Variants in STAT4 observed in about 807,000 individuals in gnomAD.
The protein encoded by STAT4 is signal transducer and activator of transcription 4.
In STAT4, 42 loss-of-function variants were observed where a neutral mutation model predicts 110.5. The ratio of observed to expected loss-of-function variants is 0.38; its 90% CI spans 0.30 to 0.49. The LOEUF is 0.49. Among genes scored for constraint, STAT4 ranks in the 20% least tolerant of loss-of-function variants. The probability of loss-of-function intolerance (pLI) is 0.95; values close to 1 mark genes in which losing one functional copy is unlikely to be tolerated. For missense variants in STAT4, 632 were observed against 887.9 expected (o/e 0.71, Z 3.66); for synonymous variants, 284 against 302.2 (o/e 0.94, Z 0.63).
chr2:191,031,300 G>T lies in STAT4; in HGVS notation c.2111+150C>A. 2 of 931,394 alleles carry T rather than the reference G, an allele frequency of 2.1e-6. No homozygotes were observed. Among genetic ancestry groups the T allele is most frequent in the Non-Finnish European group, 3.2e-6 (2 of 625,486 alleles). 57.7% of individuals were successfully genotyped at this position (931,394 alleles called of 1,614,324 possible). A position where few individuals can be genotyped will look rare whatever the true frequency, so the allele number is the denominator to read the frequency against. ...AGGCACAATAGATTGTGGTAAGTGT[G>T]CCCTGAAGGCTAGCCTTATGTATTA... On this transcript the variant is annotated intron_variant, in intron 22 of 23. Transcript: ENST00000392320. The surrounding 1 kb of genome is among the most constrained non-coding windows in gnomAD (Gnocchi z 4.8).
chr2:191,046,860 C>T lies in STAT4; in HGVS notation c.1252-5712G>A, dbSNP rs545527855. Among the ~76,000 whole-genome samples, 1 of 152,074 alleles carries T rather than the reference C, an allele frequency of 6.6e-6. No individual in the cohort carries two copies. The highest frequency in any genetic ancestry group is 2.1e-4 in the South Asian group (1 of 4,800). ...AGTGATAGGATTGTCTGACACAGAG[C>T]TCCTAAATTCCTGGAATTTTCTGGC... On this transcript the variant is annotated intron_variant, in intron 14 of 23. Transcript: ENST00000392320. The surrounding 1 kb of genome is among the most constrained non-coding windows in gnomAD (Gnocchi z 4.6).
intron 3 of STAT4, among the ~76,000 whole-genome samples, chr2:191,133,293 T>C (rs866756917): frequency 1.5e-4 from 23 of 151,706 alleles, no homozygotes; most frequent in South Asian, 4.2e-4. Flanking sequence ...AGGCACACTG[T>C]CCAGGCACTG....
rs1695965098 is a variant in STAT4 at position 191,033,800 on chromosome 2, T to A, written c.1715+111A>T. The A allele has an allele frequency of 1.5e-6, 2 of 1,333,580 alleles. No individual in the cohort carries two copies. Among genetic ancestry groups the A allele is most frequent in the Non-Finnish European group, 2.1e-6 (2 of 972,392 alleles). The allele number at this position is 1,333,580 out of a possible 1,614,324, so 82.6% of individuals were successfully genotyped here. A position where few individuals can be genotyped will look rare whatever the true frequency, so the allele number is the denominator to read the frequency against. On this transcript the variant is annotated intron_variant, in intron 19 of 23. Coordinates refer to ENST00000392320, the MANE Select transcript of STAT4 (RefSeq NM_003151.4). This position sits in a 1 kb window ranked among gnomAD's most constrained non-coding sequence, Gnocchi z 6.9. ...CACAAAGAATAAGAAATTGCAACTA[T>A]TTTTTTCTGTGGTACTAAACATGCT...
In STAT4 at chr2:191,060,767, T is replaced by A. The variant is rs1056938489; in HGVS notation, c.1034+962A>T. 2.6e-5 allele frequency among the ~76,000 whole-genome samples: 4 copies of A among 152,212 alleles called. No homozygotes were observed. On this transcript the variant is annotated intron_variant, in intron 10 of 23. Transcript: ENST00000392320. The surrounding 1 kb of genome is among the most constrained non-coding windows in gnomAD (Gnocchi z 4.5). ...CTGGCCTCTGCCTTTTGTTTTCAGT[T>A]CTTAAATCTTGGTGCAAAATTCATA...
At chr2:191,095,924 TG>T (rs1428819333) in intron 3 of STAT4, among the ~76,000 whole-genome samples, 10 of 152,042 alleles carry the variant, frequency 6.6e-5, no homozygotes, top group Non-Finnish European at 5.9e-5. Context: ...CAATAAAAAA[TG>T]ATAAAGGGGA....
Position 191,125,086 on chromosome 2 carries a change from A to C in STAT4, c.273+21527T>G, listed in dbSNP as rs1698840213. On this transcript the variant is annotated intron_variant, in intron 3 of 23. Coordinates refer to ENST00000392320, the MANE Select transcript of STAT4 (RefSeq NM_003151.4). ...GTTGATGATTTGCTTAGCTACAGAGAGCCAATGAAATATTAATTATTTCTA... is the reference window on the plus strand; with the variant it reads ...GTTGATGATTTGCTTAGCTACAGAGCGCCAATGAAATATTAATTATTTCTA... Among the ~76,000 whole-genome samples, 3 of 152,336 alleles carry C rather than the reference A, an allele frequency of 2.0e-5. 1 individual carries two copies. The highest frequency in any genetic ancestry group is 7.2e-5 in the African/African-American group (3 of 41,570).
At chr2:191,069,856 C>T (rs1401629885) in intron 5 of STAT4, 85 bp from the exon 6 acceptor site, 3 of 1,038,402 alleles carry the variant, frequency 2.9e-6, no homozygotes, top group Non-Finnish European at 4.3e-6. Flanking sequence ...TAAAAAACTG[C>T]TTGGTGCTTC....
chr2:191,054,531 G>C lies in STAT4; in HGVS notation c.1210C>G (p.Pro404Ala). 1 of 1,611,420 alleles carries C rather than the reference G, an allele frequency of 6.2e-7. No homozygotes were observed. Among genetic ancestry groups the C allele is most frequent in the Non-Finnish European group, 8.5e-7 (1 of 1,179,026 alleles). ...SLSVEFRHLQ[P>A]KEMKSSAGGK... ...CCAGCACTGGACTTCATTTCCTTTGGTTGCTTTGTAAAAGAAAACAACAAT... is the reference window on the plus strand; with the variant it reads ...CCAGCACTGGACTTCATTTCCTTTGCTTGCTTTGTAAAAGAAAACAACAAT... Residue 404 changes from proline to alanine, a missense_variant, in exon 14 of 24, where the codon CCA becomes GCA. By Grantham distance (27) the Pro-to-Ala change is conservative. Transcript: ENST00000392320.
In STAT4 at chr2:191,042,615, C is replaced by T. The variant is rs1383975845; in HGVS notation, c.1252-1467G>A. Among the ~76,000 whole-genome samples the T allele has an allele frequency of 6.6e-6, 1 of 152,078 alleles. No homozygotes were observed. Among genetic ancestry groups the T allele is most frequent in the Non-Finnish European group, 1.5e-5 (1 of 68,004 alleles). On this transcript the variant is annotated intron_variant, in intron 14 of 23. Coordinates refer to ENST00000392320, the MANE Select transcript of STAT4 (RefSeq NM_003151.4). The surrounding 1 kb of genome is among the most constrained non-coding windows in gnomAD (Gnocchi z 4.2). ...GTTAGGTTTAAACATTTCTTATATT[C>T]TAAAGATACCTGCTGAAGTATCTAT...
chr2:191,033,928 A>C lies in STAT4; in HGVS notation c.1698T>G (p.Leu566=). 3 of 1,610,770 alleles carry C rather than the reference A, an allele frequency of 1.9e-6. No individual in the cohort carries two copies. Among genetic ancestry groups the C allele is most frequent in the Non-Finnish European group, 8.5e-7 (1 of 1,178,686 alleles). Residue 566 remains leucine (L), a synonymous_variant, in exon 19 of 24, where the codon CTT becomes CTG. Transcript: ENST00000392320. The surrounding 1 kb of genome is among the most constrained non-coding windows in gnomAD (Gnocchi z 6.9). ...TAACTTACCCATCAATCCAAAGGGG[A>C]AGAATGTGTTTCTTAATTAGATCCA... ...AILDLIKKHI[L]PLWIDGYVMG...
rs932538350 is a variant in STAT4, at chr2:191,107,621, A to C, written c.274-31296T>G. Reference sequence around the variant, plus strand: ...CCCATGTACAGTTAAACATTATGCTATTACCCTTAAATTCTGTGTCCATCT... The same window carrying C: ...CCCATGTACAGTTAAACATTATGCTCTTACCCTTAAATTCTGTGTCCATCT... On this transcript the variant is annotated intron_variant, in intron 3 of 23. Transcript: ENST00000392320. This position sits in a 1 kb window ranked among gnomAD's most constrained non-coding sequence, Gnocchi z 4.2. 6.6e-6 allele frequency among the ~76,000 whole-genome samples: 1 copy of C among 152,214 alleles called. No individual in the cohort carries two copies. Among genetic ancestry groups the C allele is most frequent in the African/African-American group, 2.4e-5 (1 of 41,452 alleles).
rs1330330010 is a variant in STAT4 at position 191,112,954 on chromosome 2, C to T, written c.273+33659G>A. 3.3e-5 allele frequency among the ~76,000 whole-genome samples: 5 copies of T among 152,236 alleles called. No homozygotes were observed. The highest frequency in any genetic ancestry group is 7.3e-5 in the Non-Finnish European group (5 of 68,038). Reference sequence around the variant, plus strand: ...TTAGCCCTGCACTGTACTACCAGTTCACTTTGCTCCCTAGCAGGAAGGGCA... The same window carrying T: ...TTAGCCCTGCACTGTACTACCAGTTTACTTTGCTCCCTAGCAGGAAGGGCA... On this transcript the variant is annotated intron_variant, in intron 3 of 23. Coordinates refer to ENST00000392320, the MANE Select transcript of STAT4 (RefSeq NM_003151.4). The surrounding 1 kb of genome is among the most constrained non-coding windows in gnomAD (Gnocchi z 4.3).
chr2:191,080,814 G>A (rs770423852), intron 3 of STAT4, among the ~76,000 whole-genome samples: 8 of 151,882 alleles, frequency 5.3e-5, no homozygotes, highest in South Asian at 2.1e-4. Flanking sequence ...ATCCACTATC[G>A]TGTTTCACTC....
chr2:191,068,887 T>A (rs1461671603), intron 6 of STAT4, among the ~76,000 whole-genome samples: 1 of 152,106 alleles, frequency 6.6e-6, no homozygotes, highest in East Asian at 1.9e-4. Context: ...CTTGTAAATG[T>A]TCTCTTCCCC....
chr2:191,065,248 C>T (rs1028212996), intron 7 of STAT4, among the ~76,000 whole-genome samples: 4 of 152,024 alleles, frequency 2.6e-5, no homozygotes, highest in Admixed American at 2.0e-4. Context: ...CTTGTAGTAA[C>T]AAAACTGTAT....
At chr2:191,079,003 T>C (rs1030757888) in intron 3 of STAT4, among the ~76,000 whole-genome samples, 1 of 152,122 alleles carries the variant, frequency 6.6e-6, no homozygotes, top group Non-Finnish European at 1.5e-5. Flanking sequence ...TAACATTTAC[T>C]GAACATCTTA....
In STAT4 at chr2:191,046,290, A is replaced by G. The variant is rs1696349807; in HGVS notation, c.1252-5142T>C. On this transcript the variant is annotated intron_variant, in intron 14 of 23. Transcript: ENST00000392320. This position sits in a 1 kb window ranked among gnomAD's most constrained non-coding sequence, Gnocchi z 4.6. The stretch of plus-strand genomic sequence containing the variant: ...CCTGCCTTGACATATCCTTCACATA[A>G]CCGAATTGGCCAGGTTTTAGCTCCT... Among the ~76,000 whole-genome samples, 1 of 152,120 alleles carries G rather than the reference A, an allele frequency of 6.6e-6. No individual in the cohort carries two copies. The highest frequency in any genetic ancestry group is 2.1e-4 in the South Asian group (1 of 4,824).
chr2:191,106,086 T>C (rs1429692993), intron 3 of STAT4, among the ~76,000 whole-genome samples: 2 of 152,160 alleles, frequency 1.3e-5, no homozygotes, highest in African/African-American at 2.4e-5. Context: ...AACTGAATCA[T>C]CAGTAATATT....
Position 191,029,763 on chromosome 2 carries a change from A to G in STAT4, c.*77T>C. The G allele has an allele frequency of 7.6e-7, 1 of 1,316,076 alleles. No homozygotes were observed. The highest frequency in any genetic ancestry group is 2.4e-5 in the East Asian group (1 of 42,468). 81.5% of individuals were successfully genotyped at this position (1,316,076 alleles called of 1,614,324 possible). ...GGTATTTACAAAGCTGAAGAAATAAAATGTGGTTATTGGGCAAAGAACAGT... is the reference window on the plus strand; with the variant it reads ...GGTATTTACAAAGCTGAAGAAATAAGATGTGGTTATTGGGCAAAGAACAGT... On this transcript the variant is annotated 3_prime_UTR_variant, in exon 24 of 24. Transcript: ENST00000392320. The surrounding 1 kb of genome is among the most constrained non-coding windows in gnomAD (Gnocchi z 4.5).
Sources: gnomAD v4.1 joint callset for allele counts (sites outside exome capture counted in the v4.1 genomes callset) on GRCh38, gnomAD v4.1.1 for gene constraint, Gnocchi (gnomAD v3.1) non-coding constraint, MANE v1.5 for transcripts, NCBI Gene and HGNC (gene_info 2026-07-23, HGNC 2026-07-21) for gene names.